VDAC1: variants seen among roughly 807,000 people sequenced by gnomAD.
VDAC1 encodes the protein non-selective voltage-gated ion channel VDAC1.
Under a neutral mutation model 34.7 loss-of-function variants are expected in VDAC1, and 10 were observed. The observed-to-expected ratio is 0.29, with a 90% CI of 0.18 to 0.49. The LOEUF is 0.49. Ranked by LOEUF, VDAC1 falls within the 20% of genes least tolerant of loss-of-function variation. VDAC1 has a pLI of 0.99. For synonymous variants in VDAC1, 130 were observed against 136.0 expected (o/e 0.96, Z 0.30); for missense variants, 230 against 347.9 (o/e 0.66, Z 2.69).
the VDAC1 span, among the ~76,000 whole-genome samples, chr5:134,081,504 G>A: frequency 6.6e-6 from 1 of 152,168 alleles, no homozygotes; most frequent in Non-Finnish European, 1.5e-5. Context: ...AGTACCAAAT[G>A]TTTAACAAGC....
the VDAC1 span, among the ~76,000 whole-genome samples, chr5:134,025,215 G>A: frequency 2.6e-5 from 4 of 152,228 alleles, no homozygotes; most frequent in East Asian, 1.9e-4. Flanking sequence ...TTCCACTCAT[G>A]GCAGAAGGTG....
chr5:134,101,194 C>T, the VDAC1 span, among the ~76,000 whole-genome samples: 1 of 152,230 alleles, frequency 6.6e-6, no homozygotes, highest in African/African-American at 2.4e-5. Context: ...ACCAGCATGG[C>T]TTCAAATCCT....
At chr5:134,008,860 T>C (rs1753792805), upstream of VDAC1, among the ~76,000 whole-genome samples, 1 of 152,190 alleles carries the variant, frequency 6.6e-6, no homozygotes, top group South Asian at 2.1e-4. Context: ...TTTCCAATCA[T>C]TTTCCAGTGA....
chr5:134,083,190 CTTT>C, the VDAC1 span, among the ~76,000 whole-genome samples: 3 of 125,518 alleles, frequency 2.4e-5, no homozygotes, highest in East Asian at 2.2e-4. Context: ...CTTTTTTTTT[CTTT>C]TTTTTTTTTT....
the VDAC1 span, among the ~76,000 whole-genome samples, chr5:134,078,449 G>C: frequency 6.6e-6 from 1 of 152,094 alleles, no homozygotes; most frequent in Non-Finnish European, 1.5e-5. Context: ...AGGAAGACTT[G>C]GGGCTTGTTT....
At chr5:134,079,667 T>C in the VDAC1 span, among the ~76,000 whole-genome samples, 1 of 152,214 alleles carries the variant, frequency 6.6e-6, no homozygotes, top group Non-Finnish European at 1.5e-5. Context: ...ATCCTCCCTT[T>C]GTTTGCAAAG....
At chr5:133,996,981 T>A (rs1205725969) in intron 1 of VDAC1, among the ~76,000 whole-genome samples, 1 of 152,128 alleles carries the variant, frequency 6.6e-6, no homozygotes, top group East Asian at 1.9e-4. Flanking sequence ...GAAGCACTGG[T>A]TGCTTCTGAC....
Position 133,992,930 on chromosome 5 carries a change from T to G in VDAC1, c.67+16A>C, listed in dbSNP as rs560690207. 6.2e-7 allele frequency: 1 copy of G among 1,607,594 alleles called. No individual in the cohort carries two copies. Among genetic ancestry groups the G allele is most frequent in the Non-Finnish European group, 8.5e-7 (1 of 1,176,478 alleles). Reference sequence around the variant, plus strand: ...AGTCTGTGAGCTGAAAGGCACCCCCTCTCTGCAACACTCACCATAGCCCTT... The same window carrying G: ...AGTCTGTGAGCTGAAAGGCACCCCCGCTCTGCAACACTCACCATAGCCCTT... On this transcript the variant is annotated intron_variant, in intron 2 of 8. Transcript: ENST00000265333.
upstream of VDAC1, among the ~76,000 whole-genome samples, chr5:134,006,737 T>TCCCC (rs60521440): frequency 4.9e-4 from 20 of 41,010 alleles, 1 homozygote; most frequent in African/African-American, 1.6e-3. Flanking sequence ...AGTGACATTG[T>TCCCC]CCCCCCCCCC....
intron 6 of VDAC1, 73 bp downstream of exon 6, chr5:133,980,656 G>C: frequency 1.4e-6 from 1 of 704,938 alleles, no homozygotes; most frequent in Non-Finnish European, 2.1e-6. Flanking sequence ...AAAAAAAACA[G>C]TGAAAAGCAA....
chr5:133,986,901 G>T (rs534741501), intron 5 of VDAC1, among the ~76,000 whole-genome samples: 2 of 152,186 alleles, frequency 1.3e-5, no homozygotes, highest in African/African-American at 4.8e-5. Flanking sequence ...CAACTTGAGC[G>T]ACAAAATAAA....
chr5:133,971,899 GACA>G lies in VDAC1; in HGVS notation c.*869_*871del, dbSNP rs1178073861. 1.3e-5 allele frequency: 2 copies of G among 152,542 alleles called. No homozygotes were observed. The highest frequency in any genetic ancestry group is 1.3e-4 in the Admixed American group (2 of 15,266). 9.4% of individuals were successfully genotyped at this position (152,542 alleles called of 1,614,324 possible). On this transcript the variant is annotated 3_prime_UTR_variant, in exon 9 of 9. Transcript: ENST00000265333. ...TGTTTATTTATATTTTATTAATAAA[GACA>G]ACAGAAGAAGGATGAGGTTTCAATA...
the VDAC1 span, among the ~76,000 whole-genome samples, chr5:134,063,585 C>G: frequency 6.6e-6 from 1 of 152,180 alleles, no homozygotes; most frequent in East Asian, 1.9e-4. Context: ...CTTCTGCTAA[C>G]ACAAGAAGTC....
the VDAC1 span, among the ~76,000 whole-genome samples, chr5:134,078,181 CAG>C: frequency 6.6e-6 from 1 of 152,222 alleles, no homozygotes; most frequent in South Asian, 2.1e-4. Context: ...CCTGCAGACA[CAG>C]AGCCAAATTG....
At chr5:133,982,790 T>C (rs13174531) in intron 5 of VDAC1, among the ~76,000 whole-genome samples, 37,614 of 149,610 alleles carry the variant, frequency 0.25, 5,008 homozygotes, top group Admixed American at 0.3. Context: ...CTTGGGAGGC[T>C]GAGGCAGGAG....
chr5:134,054,928 G>C, the VDAC1 span, among the ~76,000 whole-genome samples: 551 of 152,324 alleles, frequency 3.6e-3, 1 homozygote, highest in African/African-American at 0.013. Flanking sequence ...CATCAGGTAG[G>C]CAAGTGGGCT....
the VDAC1 span, among the ~76,000 whole-genome samples, chr5:134,096,213 C>T: frequency 6.6e-6 from 1 of 152,260 alleles, no homozygotes; most frequent in Non-Finnish European, 1.5e-5. Context: ...CCTCAGCCCT[C>T]CCCAGGCCCC....
the VDAC1 span, among the ~76,000 whole-genome samples, chr5:134,036,553 G>A: frequency 6.6e-6 from 1 of 151,786 alleles, no homozygotes; most frequent in African/African-American, 2.4e-5. Flanking sequence ...TGCACTTCTA[G>A]TAAGATCTGT....
chr5:134,077,193 C>G, the VDAC1 span, among the ~76,000 whole-genome samples: 1 of 144,454 alleles, frequency 6.9e-6, no homozygotes, highest in South Asian at 2.1e-4. Flanking sequence ...ACAGGAATTG[C>G]TTGAACTCAG....
Sources: gnomAD v4.1 joint callset for allele counts (sites outside exome capture counted in the v4.1 genomes callset) on GRCh38, gnomAD v4.1.1 for gene constraint, MANE v1.5 for transcripts, NCBI Gene and HGNC (gene_info 2026-07-23, HGNC 2026-07-21) for gene names.